The following ARSG variants were observed in gnomAD, a reference collection of about 807,000 sequenced individuals.
ARSG encodes arylsulfatase G.
A neutral mutation model predicts 50.5 loss-of-function variants in ARSG; 37 were observed. The ratio of observed to expected loss-of-function variants is 0.73; its 90% confidence interval spans 0.56 to 0.96. The LOEUF (loss-of-function observed/expected upper bound fraction) is 0.96. Ranked by LOEUF, ARSG falls within the 50% of genes least tolerant of loss-of-function variation. The pLI is 0.00. For missense variants in ARSG, 629 were observed against 675.3 expected (o/e 0.93, Z 0.76); for synonymous variants, 225 against 254.6 (o/e 0.88, Z 1.11).
At chr17:68,278,739 C>G (rs1555751863) in intron 1 of ARSG, among the ~76,000 whole-genome samples, 1 of 151,490 alleles carries the variant, frequency 6.6e-6, no homozygotes, top group Non-Finnish European at 1.5e-5. Flanking sequence ...CCTGCCTCAG[C>G]CTCCCGAGTA....
At chr17:68,279,251 CGAGT>C (rs2145076215) in intron 1 of ARSG, among the ~76,000 whole-genome samples, 1 of 152,078 alleles carries the variant, frequency 6.6e-6, no homozygotes, top group Non-Finnish European at 1.5e-5. Flanking sequence ...CACCTTCCAC[CGAGT>C]AAGTGTTTGA....
intron 1 of ARSG, among the ~76,000 whole-genome samples, chr17:68,277,504 A>C (rs576481891): frequency 6.6e-6 from 1 of 152,086 alleles, no homozygotes; most frequent in Non-Finnish European, 1.5e-5. Context: ...ATCTCAGCTC[A>C]CTGCAACCTC....
rs2076969520 is a variant in ARSG, at chr17:68,313,948, G to A, written c.218+6237G>A. ...CCTGCCTTGGCCTCCCAAAGTGCTGGGATTACAAGCGTGAGCCACCATGCC... is the reference window on the plus strand; with the variant it reads ...CCTGCCTTGGCCTCCCAAAGTGCTGAGATTACAAGCGTGAGCCACCATGCC... On this transcript the variant is annotated intron_variant, in intron 2 of 11. Transcript: ENST00000621439. 2.0e-5 allele frequency among the ~76,000 whole-genome samples: 3 copies of A among 151,954 alleles called. No individual in the cohort carries two copies. The South Asian group carries it at 6.2e-4, about 32-fold the overall frequency.
intron 2 of ARSG, among the ~76,000 whole-genome samples, chr17:68,322,627 A>AT (rs1555770965): frequency 2.8e-5 from 4 of 140,354 alleles, no homozygotes; most frequent in East Asian, 2.0e-4. Flanking sequence ...AAAAAATAAA[A>AT]TAAAAAAAAA....
intron 11 of ARSG, among the ~76,000 whole-genome samples, chr17:68,411,103 T>C (rs907655083): frequency 1.3e-5 from 2 of 152,184 alleles, no homozygotes; most frequent in Admixed American, 6.5e-5. Context: ...TTTTGAAGGG[T>C]TTCTTGTGTC....
At chr17:68,375,594 AC>A (rs2080104622) in intron 8 of ARSG, among the ~76,000 whole-genome samples, 1 of 152,190 alleles carries the variant, frequency 6.6e-6, no homozygotes, top group African/African-American at 2.4e-5. Flanking sequence ...CCTTGGTCAC[AC>A]CAGCCACACT....
the ARSG span, among the ~76,000 whole-genome samples, chr17:68,431,910 C>T: frequency 5.3e-5 from 8 of 152,228 alleles, no homozygotes; most frequent in Admixed American, 3.9e-4. Flanking sequence ...GCAGCAATTG[C>T]GATCACTCAC....
At chr17:68,298,303 A>G (rs1174844093) in intron 1 of ARSG, among the ~76,000 whole-genome samples, 8 of 152,088 alleles carry the variant, frequency 5.3e-5, no homozygotes, top group African/African-American at 1.9e-4. Flanking sequence ...GGATGCCATA[A>G]TAAAATACCA....
intron 1 of ARSG, among the ~76,000 whole-genome samples, chr17:68,279,230 G>A (rs1448131332): frequency 1.3e-5 from 2 of 151,910 alleles, no homozygotes; most frequent in Non-Finnish European, 2.9e-5. Context: ...AAACATTGGC[G>A]GTGCATCCAG....
At chr17:68,414,661 T>TTTG (rs370892083) in intron 11 of ARSG, among the ~76,000 whole-genome samples, 4,119 of 152,122 alleles carry the variant, frequency 0.027, 182 homozygotes, top group African/African-American at 0.093. Context: ...GTCCTAGACT[T>TTTG]TTGTTGTTGT....
chr17:68,315,823 G>A (rs1255639239), intron 2 of ARSG, among the ~76,000 whole-genome samples: 1 of 152,064 alleles, frequency 6.6e-6, no homozygotes, highest in Admixed American at 6.6e-5. Context: ...AGTAGAGACA[G>A]CATTTCACCA....
intron 8 of ARSG, 100 bp downstream of exon 8, chr17:68,370,624 C>T: frequency 9.6e-7 from 1 of 1,037,940 alleles, no homozygotes. Flanking sequence ...TATATCTGGG[C>T]CTTAGGGTCA....
chr17:68,390,452 C>T (rs942949748), intron 9 of ARSG, among the ~76,000 whole-genome samples: 5 of 152,176 alleles, frequency 3.3e-5, no homozygotes, highest in African/African-American at 1.2e-4. Flanking sequence ...CTGAGGACAG[C>T]CTTTTGTGCC....
At position 68,381,962 on chromosome 17, in the gene ARSG, T is replaced by C. The variant is rs1228922965; in HGVS notation, c.983-3102T>C. 8.5e-6 allele frequency among the ~76,000 whole-genome samples: 1 copy of C among 118,072 alleles called. No homozygotes were observed. The highest frequency in any genetic ancestry group is 2.9e-4 in the South Asian group (1 of 3,394). The allele number at this position is 118,072 out of a possible 152,430, so 77.5% of individuals were successfully genotyped here. On this transcript the variant is annotated intron_variant, in intron 8 of 11. Transcript: ENST00000621439. The surrounding 1 kb of genome is among the most constrained non-coding windows in gnomAD (Gnocchi z 4.1). ...TGGCTCTATCATTTTCTTTCTTTCC[T>C]TTTTTTTTTTTTGACAGAGTCTCTG...
At chr17:68,442,321 T>G in the ARSG span, among the ~76,000 whole-genome samples, 2 of 151,900 alleles carry the variant, frequency 1.3e-5, no homozygotes, top group Non-Finnish European at 2.9e-5. Context: ...AAAAATTAGC[T>G]GGGTGTGGTG....
chr17:68,396,620 G>C (rs2081260323), intron 10 of ARSG, among the ~76,000 whole-genome samples: 1 of 152,192 alleles, frequency 6.6e-6, no homozygotes, highest in African/African-American at 2.4e-5. Flanking sequence ...TCTTTGCTAA[G>C]GGTCACATGG....
chr17:68,327,479 G>A (rs2077552809), intron 2 of ARSG, among the ~76,000 whole-genome samples: 1 of 152,018 alleles, frequency 6.6e-6, no homozygotes. Flanking sequence ...GCTTGTGCTG[G>A]CATCATTTTC....
the ARSG span, among the ~76,000 whole-genome samples, chr17:68,433,760 G>GTTGTTTTTTT: frequency 2.7e-5 from 2 of 72,814 alleles, 1 homozygote. Context: ...AAGGGTCATA[G>GTTGTTTTTTT]TTTTTTTTTT....
intron 2 of ARSG, among the ~76,000 whole-genome samples, chr17:68,316,068 A>G (rs2077057655): frequency 6.6e-6 from 1 of 151,856 alleles, no homozygotes; most frequent in Non-Finnish European, 1.5e-5. Context: ...TTCATCTCCA[A>G]CCCTCTCCTC....
Sources: gnomAD v4.1 joint callset for allele counts (sites outside exome capture counted in the v4.1 genomes callset) on GRCh38, gnomAD v4.1.1 for gene constraint, Gnocchi (gnomAD v3.1) non-coding constraint, MANE v1.5 for transcripts, NCBI Gene and HGNC (gene_info 2026-07-23, HGNC 2026-07-21) for gene names.